CNTFR: variants seen among roughly 807,000 people sequenced by gnomAD.
The protein encoded by CNTFR is ciliary neurotrophic factor receptor.
Under a neutral mutation model 40.4 loss-of-function variants are expected in CNTFR, and 12 were observed. That is an observed-to-expected ratio of 0.30 (90% CI 0.19 to 0.48). CNTFR has a LOEUF of 0.48. CNTFR is among the 20% of genes least tolerant of loss of function. CNTFR has a pLI of 0.99. For missense variants in CNTFR, 414 were observed against 506.8 expected, an observed-to-expected ratio of 0.82 and a Z score of 1.76; for synonymous variants, 202 against 209.6, an observed-to-expected ratio of 0.96 and a Z score of 0.31.
chr9:34,573,346 G>A (rs1180960396), intron 2 of CNTFR, among the ~76,000 whole-genome samples: 9 of 152,226 alleles, frequency 5.9e-5, no homozygotes, highest in African/African-American at 2.2e-4. Flanking sequence ...CGTCTCAGCT[G>A]TAATTGTGTG....
chr9:34,580,104 T>C (rs967374823), intron 2 of CNTFR: 12 of 152,278 alleles, frequency 7.9e-5, no homozygotes, highest in Admixed American at 7.9e-4. Context: ...CTCCAGCTCC[T>C]GTCCCGGCTC....
At chr9:34,553,685 G>A (rs945779622) in intron 7 of CNTFR, among the ~76,000 whole-genome samples, 1 of 152,092 alleles carries the variant, frequency 6.6e-6, no homozygotes, top group Non-Finnish European at 1.5e-5. Context: ...TGGAGGCATC[G>A]CCACCCCACT....
chr9:34,584,617 G>A (rs1432957467), intron 1 of CNTFR, among the ~76,000 whole-genome samples: 4 of 152,200 alleles, frequency 2.6e-5, no homozygotes, highest in African/African-American at 9.7e-5. Context: ...CAGAGATGGG[G>A]TCCATTCCTT....
chr9:34,552,138 C>G lies in CNTFR; in HGVS notation c.1118+23G>C, dbSNP rs1397217891. ...TGGGGGTTCCCTCAGGCTCCCTCTG[C>G]CACCCAGCCTCACTCAACCTACCAG... On this transcript the variant is annotated intron_variant, in intron 9 of 9. Transcript: ENST00000378980. This position sits in a 1 kb window ranked among gnomAD's most constrained non-coding sequence, Gnocchi z 5.1. 1 of 1,592,014 alleles carries G rather than the reference C, an allele frequency of 6.3e-7. No individual in the cohort carries two copies.
chr9:34,558,464 C>T lies in CNTFR; in HGVS notation c.320-480G>A, dbSNP rs998177379. Among the ~76,000 whole-genome samples, 8 of 152,156 alleles carry T rather than the reference C, an allele frequency of 5.3e-5. No homozygotes were observed. In the East Asian group the frequency reaches 5.8e-4, roughly 11 times the overall value. On this transcript the variant is annotated intron_variant, in intron 4 of 9. Transcript: ENST00000378980. ...ACTTCCCTCAGTAGAGACAGAGACA[C>T]GAGGACAGGCCTGGTGGCTACACAG...
intron 4 of CNTFR, among the ~76,000 whole-genome samples, chr9:34,560,684 A>G (rs892953686): frequency 1.3e-5 from 2 of 152,192 alleles, no homozygotes; most frequent in Non-Finnish European, 2.9e-5. Flanking sequence ...TCTTATGCAC[A>G]CAGGTCACAG....
rs1825683916 is a variant in CNTFR at position 34,552,653 on chromosome 9, T to C, written c.949+21A>G. On this transcript the variant is annotated intron_variant, in intron 8 of 9. Coordinates refer to ENST00000378980, the MANE Select transcript of CNTFR (RefSeq NM_147164.3). This position sits in a 1 kb window ranked among gnomAD's most constrained non-coding sequence, Gnocchi z 5.1. ...CCTCCAGGACAGCAAAGCCAGGAGG[T>C]AGGGGCGGGAGCAAGCTCACCCGCA... The C allele has an allele frequency of 1.2e-6, 2 of 1,608,708 alleles. No individual in the cohort carries two copies. The highest frequency in any genetic ancestry group is 8.5e-7 in the Non-Finnish European group (1 of 1,178,780).
chr9:34,585,865 CT>C (rs768785115), intron 1 of CNTFR, among the ~76,000 whole-genome samples: 38 of 152,216 alleles, frequency 2.5e-4, no homozygotes, highest in Non-Finnish European at 4.9e-4. Context: ...ATGGTCCCCC[CT>C]AACCCATCTG....
rs1210605866 is a variant in CNTFR at position 34,579,074 on chromosome 9, CACACGT to C, written c.-1+2015_-1+2020del. Among the ~76,000 whole-genome samples the C allele has an allele frequency of 2.8e-4, 43 of 152,342 alleles. No individual in the cohort carries two copies. The South Asian group carries it at 7.5e-3, about 26-fold the overall frequency. Reference sequence around the variant, plus strand: ...ACATATACATGAGCACACGCACACGCACACGTGCAAATGCACATCCGCATGGGGTCG... The same window carrying C: ...ACATATACATGAGCACACGCACACGCGCAAATGCACATCCGCATGGGGTCG... On this transcript the variant is annotated intron_variant, in intron 2 of 9. Coordinates refer to ENST00000378980, the MANE Select transcript of CNTFR (RefSeq NM_147164.3).
chr9:34,582,716 G>A (rs1255547635), intron 1 of CNTFR: 1 of 152,168 alleles, frequency 6.6e-6, no homozygotes. Context: ...GCCACACCAA[G>A]ACAGGCTCAA....
At chr9:34,584,888 G>A (rs1409343222) in intron 1 of CNTFR, among the ~76,000 whole-genome samples, 1 of 152,150 alleles carries the variant, frequency 6.6e-6, no homozygotes. Context: ...TTCCCTGAGT[G>A]AAGGAAAGTC....
At chr9:34,558,312 C>T (rs1296797164) in intron 4 of CNTFR, among the ~76,000 whole-genome samples, 1 of 152,188 alleles carries the variant, frequency 6.6e-6, no homozygotes, top group Admixed American at 6.5e-5. Flanking sequence ...CGGCCCCAGC[C>T]CCACATCTCC....
intron 1 of CNTFR, among the ~76,000 whole-genome samples, chr9:34,585,165 C>T (rs191443126): frequency 2.5e-4 from 38 of 152,314 alleles, no homozygotes; most frequent in Admixed American, 1.9e-3. Context: ...AGAATGCCTT[C>T]CTCTGGTGTA....
rs1425346369 is a variant in CNTFR, at chr9:34,562,422, C to A, written c.319+2177G>T. Among the ~76,000 whole-genome samples the A allele has an allele frequency of 5.9e-5, 9 of 152,052 alleles. No homozygotes were observed. The East Asian group carries it at 1.7e-3, about 29-fold the overall frequency. ...ATCTCTTCAGTTTAGACACATTAAACAATAACCAAAAAAAAGGCCTTCCCA... is the reference window on the plus strand; with the variant it reads ...ATCTCTTCAGTTTAGACACATTAAAAAATAACCAAAAAAAAGGCCTTCCCA... On this transcript the variant is annotated intron_variant, in intron 4 of 9. Transcript: ENST00000378980.
intron 2 of CNTFR, among the ~76,000 whole-genome samples, chr9:34,575,288 A>C (rs1826895184): frequency 6.6e-6 from 1 of 152,040 alleles, no homozygotes; most frequent in Non-Finnish European, 1.5e-5. Context: ...AGGCACACAC[A>C]CCAGTTAGGC....
At chr9:34,585,999 C>G (rs1023941053) in intron 1 of CNTFR, among the ~76,000 whole-genome samples, 5 of 152,202 alleles carry the variant, frequency 3.3e-5, no homozygotes, top group Non-Finnish European at 7.3e-5. Context: ...AGCGTGTGTC[C>G]CCTTCAGGAC....
intron 4 of CNTFR, among the ~76,000 whole-genome samples, chr9:34,563,678 A>G (rs542676588): frequency 2.6e-5 from 4 of 152,270 alleles, no homozygotes; most frequent in East Asian, 1.9e-4. Flanking sequence ...TGTTGCAGTC[A>G]TGGATTCCTC....
In CNTFR at chr9:34,575,495, G is replaced by A. The variant is rs1432608701; in HGVS notation, c.-1+5600C>T. The stretch of plus-strand genomic sequence containing the variant: ...GACAGGAAGGAGGCTGCAAGGCAGG[G>A]CCCTCCGTGGAGACAAGGATGGATA... On this transcript the variant is annotated intron_variant, in intron 2 of 9. Transcript: ENST00000378980. Among the ~76,000 whole-genome samples the A allele has an allele frequency of 7.2e-5, 11 of 152,230 alleles. No individual in the cohort carries two copies. In the South Asian group the frequency reaches 2.3e-3, roughly 32 times the overall value.
intron 4 of CNTFR, among the ~76,000 whole-genome samples, chr9:34,559,054 G>C (rs1226638608): frequency 1.3e-5 from 2 of 152,160 alleles, no homozygotes; most frequent in Non-Finnish European, 2.9e-5. Flanking sequence ...TCCATCTGCG[G>C]CTCCAGGGAC....
Sources: gnomAD v4.1 joint callset for allele counts (sites outside exome capture counted in the v4.1 genomes callset) on GRCh38, gnomAD v4.1.1 for gene constraint, Gnocchi (gnomAD v3.1) non-coding constraint, MANE v1.5 for transcripts, NCBI Gene and HGNC (gene_info 2026-07-23, HGNC 2026-07-21) for gene names.